AMN1: variants seen among roughly 807,000 people sequenced by gnomAD.
The protein encoded by AMN1 is antagonist of mitotic exit network 1 homolog.
AMN1 carries 20 observed loss-of-function variants against 33.0 expected under a neutral mutation model. The ratio of observed to expected loss-of-function variants is 0.61; its 90% CI spans 0.43 to 0.88. The LOEUF is 0.88. Among genes scored for constraint, AMN1 ranks in the 40% least tolerant of loss-of-function variants. The probability of loss-of-function intolerance (pLI) is 0.00; values close to 1 mark genes in which losing one functional copy is unlikely to be tolerated. For missense variants in AMN1, 246 were observed against 307.4 expected, an observed-to-expected ratio of 0.80 and a Z score of 1.49; for synonymous variants, 114 against 111.9, an observed-to-expected ratio of 1.02 and a Z score of -0.12.
At chr12:31,691,522 C>T (rs1400729756) in intron 5 of AMN1, among the ~76,000 whole-genome samples, 1 of 152,022 alleles carries the variant, frequency 6.6e-6, no homozygotes, top group Admixed American at 6.6e-5. Context: ...ATTTATCCAA[C>T]TATGCACATA....
intron 2 of AMN1, among the ~76,000 whole-genome samples, chr12:31,706,189 G>A (rs1939229369): frequency 6.6e-6 from 1 of 151,732 alleles, no homozygotes; most frequent in Non-Finnish European, 1.5e-5. Context: ...GCGGGCGCCT[G>A]TAGTCCCAGC....
chr12:31,673,452 T>C (rs2139644707), intron 6 of AMN1: 1 of 177,488 alleles, frequency 5.6e-6, no homozygotes, highest in African/African-American at 2.4e-5. Flanking sequence ...AATGCAGTTT[T>C]ATTCATGGTC....
At chr12:31,689,728 A>G (rs1312193819) in intron 5 of AMN1, among the ~76,000 whole-genome samples, 2 of 152,208 alleles carry the variant, frequency 1.3e-5, no homozygotes, top group Non-Finnish European at 2.9e-5. Flanking sequence ...TGGAACCCAA[A>G]TGTCCATCAA....
chr12:31,709,573 C>G, intron 1 of AMN1, 148 bp from the exon 2 acceptor site: 1 of 932,296 alleles, frequency 1.1e-6, no homozygotes, highest in South Asian at 1.9e-5. Flanking sequence ...AATCCCAACA[C>G]TTTGGGAAGC....
chr12:31,705,708 A>T (rs947305039), intron 2 of AMN1, among the ~76,000 whole-genome samples: 2 of 152,204 alleles, frequency 1.3e-5, no homozygotes, highest in African/African-American at 4.8e-5. Flanking sequence ...CAGAACATAT[A>T]AACAAAAAGA....
chr12:31,706,648 T>A (rs1939252311), intron 2 of AMN1, among the ~76,000 whole-genome samples: 2 of 152,202 alleles, frequency 1.3e-5, no homozygotes, highest in South Asian at 4.1e-4. Context: ...AGGCTGAAGG[T>A]TAAGCCCTAA....
chr12:31,673,212 A>G (rs1951318082), intron 6 of AMN1: 1 of 152,220 alleles, frequency 6.6e-6, no homozygotes, highest in Non-Finnish European at 1.5e-5. Context: ...TAGTCTTGGA[A>G]ATCCTGTAAT....
intron 6 of AMN1, among the ~76,000 whole-genome samples, chr12:31,675,885 A>C (rs1937673782): frequency 6.6e-6 from 1 of 151,866 alleles, no homozygotes; most frequent in Non-Finnish European, 1.5e-5. Flanking sequence ...ATTAGGCAAG[A>C]AAAAGAAAAG....
intron 1 of AMN1, among the ~76,000 whole-genome samples, chr12:31,720,292 G>A (rs1303050714): frequency 6.6e-6 from 1 of 152,194 alleles, no homozygotes; most frequent in Non-Finnish European, 1.5e-5. Flanking sequence ...TGTAATCCCA[G>A]TACTTTGGGA....
intron 3 of AMN1, among the ~76,000 whole-genome samples, chr12:31,700,447 C>A (rs1938942904): frequency 6.6e-6 from 1 of 152,072 alleles, no homozygotes; most frequent in Non-Finnish European, 1.5e-5. Context: ...TAAAGATTCA[C>A]TAACTCATGT....
chr12:31,725,399 T>C (rs1055632799), intron 1 of AMN1, among the ~76,000 whole-genome samples: 6 of 152,182 alleles, frequency 3.9e-5, no homozygotes, highest in African/African-American at 9.7e-5. Flanking sequence ...TGTAAAACAA[T>C]TGGGGAGACG....
intron 1 of AMN1, among the ~76,000 whole-genome samples, chr12:31,717,115 C>T (rs11834122): frequency 2.0e-5 from 3 of 152,122 alleles, no homozygotes; most frequent in African/African-American, 4.8e-5. Context: ...CTTGCTCCCC[C>T]CAACCACAGG....
Position 31,684,767 on chromosome 12 carries a change from G to A in AMN1, c.703+4240C>T, listed in dbSNP as rs958462612. Among the ~76,000 whole-genome samples the A allele has an allele frequency of 2.6e-5, 4 of 152,024 alleles. No homozygotes were observed. The South Asian group carries it at 8.3e-4, about 32-fold the overall frequency. On this transcript the variant is annotated intron_variant, in intron 6 of 6. Coordinates refer to ENST00000281471, the MANE Select transcript of AMN1 (RefSeq NM_001113402.2). ...ATTACCGGCGTGAGCCACCGCGCCC[G>A]GCCTGGGATCCTCAATAATTTTTAA...
intron 5 of AMN1, among the ~76,000 whole-genome samples, chr12:31,691,477 G>T (rs1938497161): frequency 6.6e-6 from 1 of 151,900 alleles, no homozygotes; most frequent in South Asian, 2.1e-4. Context: ...CATCAATTGT[G>T]GTGGTGGTTA....
At chr12:31,707,419 T>A (rs541020354) in intron 2 of AMN1, among the ~76,000 whole-genome samples, 1 of 152,232 alleles carries the variant, frequency 6.6e-6, no homozygotes, top group Non-Finnish European at 1.5e-5. Context: ...TGTTCCTGAA[T>A]GTCATTCTGC....
chr12:31,699,106 T>A (rs565172087), intron 3 of AMN1, among the ~76,000 whole-genome samples: 14 of 151,984 alleles, frequency 9.2e-5, no homozygotes, highest in South Asian at 4.2e-4. Flanking sequence ...ATAAAAACTC[T>A]TGGGACGGGT....
intron 3 of AMN1, among the ~76,000 whole-genome samples, chr12:31,698,488 T>C (rs1181210816): frequency 2.0e-5 from 3 of 152,194 alleles, no homozygotes; most frequent in African/African-American, 4.8e-5. Flanking sequence ...CTCCTTCTGT[T>C]AGCCTGGACC....
intron 6 of AMN1, among the ~76,000 whole-genome samples, chr12:31,675,174 T>C (rs1447314290): frequency 6.6e-6 from 1 of 150,720 alleles, no homozygotes; most frequent in Non-Finnish European, 1.5e-5. Flanking sequence ...TCCCAGCATT[T>C]TGGGAGGCCA....
intron 6 of AMN1, among the ~76,000 whole-genome samples, chr12:31,676,932 T>C (rs908341688): frequency 2.6e-5 from 4 of 151,810 alleles, no homozygotes; most frequent in Admixed American, 6.6e-5. Flanking sequence ...TCAATGCCTT[T>C]ATTATGCTAC....
Sources: gnomAD v4.1 joint callset for allele counts (sites outside exome capture counted in the v4.1 genomes callset) on GRCh38, gnomAD v4.1.1 for gene constraint, MANE v1.5 for transcripts, NCBI Gene and HGNC (gene_info 2026-07-23, HGNC 2026-07-21) for gene names.